The following KIZ variants were observed in gnomAD, a reference collection of about 807,000 sequenced individuals.
KIZ encodes the protein centrosomal protein kizuna.
A neutral mutation model predicts 79.6 loss-of-function variants in KIZ; 68 were observed. That is an observed-to-expected ratio of 0.85 (90% CI 0.70 to 1.05). The LOEUF (loss-of-function observed/expected upper bound fraction) is 1.05, where lower values mean the gene tolerates loss of function less well. KIZ is among the 50% of genes least tolerant of loss of function. The probability of loss-of-function intolerance (pLI) is 0.00; values close to 1 mark genes in which losing one functional copy is unlikely to be tolerated. For synonymous variants in KIZ, 280 were observed against 281.8 expected (o/e 0.99, Z 0.06); for missense variants, 797 against 800.4 (o/e 1.00, Z 0.05).
At chr20:21,127,305 A>G (rs974956817) in intron 1 of KIZ, among the ~76,000 whole-genome samples, 13 of 152,158 alleles carry the variant, frequency 8.5e-5, no homozygotes, top group African/African-American at 2.9e-4. Flanking sequence ...TTAAAAAGAA[A>G]TCTCTTCCTG....
chr20:21,146,496 T>C (rs945368124), intron 4 of KIZ, among the ~76,000 whole-genome samples: 5 of 152,204 alleles, frequency 3.3e-5, no homozygotes, highest in African/African-American at 4.8e-5. Context: ...AGAGTGTGTG[T>C]GCTACAGATT....
intron 4 of KIZ, among the ~76,000 whole-genome samples, chr20:21,155,423 A>G (rs1398864226): frequency 1.3e-5 from 2 of 150,590 alleles, no homozygotes; most frequent in Non-Finnish European, 3.0e-5. Context: ...ATCAAAAAAG[A>G]CAACATATTA....
intron 11 of KIZ, among the ~76,000 whole-genome samples, chr20:21,237,201 C>T (rs1343410058): frequency 6.8e-6 from 1 of 146,992 alleles, no homozygotes; most frequent in Non-Finnish European, 1.5e-5. Context: ...ACTCGGGAGG[C>T]TGAGGCAGGA....
At chr20:21,183,069 A>G (rs2034726713) in intron 6 of KIZ, among the ~76,000 whole-genome samples, 1 of 152,186 alleles carries the variant, frequency 6.6e-6, no homozygotes, top group African/African-American at 2.4e-5. Flanking sequence ...GGAGATGGAC[A>G]CTGAGTAGGC....
At chr20:21,126,986 TAAACA>T (rs953138513) in intron 1 of KIZ, among the ~76,000 whole-genome samples, 5 of 152,216 alleles carry the variant, frequency 3.3e-5, no homozygotes, top group African/African-American at 4.8e-5. Flanking sequence ...GATCTCTTGA[TAAACA>T]AAACATTTAA....
At chr20:21,167,701 A>G (rs964884217) in intron 6 of KIZ, among the ~76,000 whole-genome samples, 3 of 151,310 alleles carry the variant, frequency 2.0e-5, no homozygotes, top group African/African-American at 7.3e-5. Context: ...AGCTGGGATT[A>G]CAGGCATGTG....
chr20:21,128,123 C>CT (rs2031603678), intron 1 of KIZ, among the ~76,000 whole-genome samples: 1 of 152,202 alleles, frequency 6.6e-6, no homozygotes, highest in Non-Finnish European at 1.5e-5. Flanking sequence ...AGCGATTGTC[C>CT]TGCCTCAGCC....
intron 4 of KIZ, among the ~76,000 whole-genome samples, chr20:21,160,512 G>T (rs2033605404): frequency 6.6e-6 from 1 of 152,126 alleles, no homozygotes. Flanking sequence ...TGATGTTTGT[G>T]TGTGTGGCCT....
intron 6 of KIZ, among the ~76,000 whole-genome samples, chr20:21,172,401 G>A (rs973309169): frequency 6.6e-6 from 1 of 152,078 alleles, no homozygotes; most frequent in East Asian, 1.9e-4. Context: ...TTAGGAGTTC[G>A]AGACCAGCCT....
Position 21,246,617 on chromosome 20 carries a change from C to A in KIZ, c.*41C>A, listed in dbSNP as rs754788899. ...GTTTCAAATAAAGTCTTTAAACAAA[C>A]TAAAATCCTGTGTTAATATGTGATG... On this transcript the variant is annotated 3_prime_UTR_variant, in exon 13 of 13. Coordinates refer to ENST00000619189, the MANE Select transcript of KIZ (RefSeq NM_018474.6). 5 of 1,166,294 alleles carry A rather than the reference C, an allele frequency of 4.3e-6. No individual in the cohort carries two copies. The highest frequency in any genetic ancestry group is 6.3e-6 in the Non-Finnish European group (5 of 791,214). 72.2% of individuals were successfully genotyped at this position (1,166,294 alleles called of 1,614,324 possible).
chr20:21,202,120 G>T (rs1477601123), intron 6 of KIZ, among the ~76,000 whole-genome samples: 1 of 152,198 alleles, frequency 6.6e-6, no homozygotes, highest in Non-Finnish European at 1.5e-5. Flanking sequence ...AAGGATAGAT[G>T]CAATTGGGTG....
At chr20:21,163,621 T>G (rs1001949574) in intron 6 of KIZ, among the ~76,000 whole-genome samples, 4 of 152,250 alleles carry the variant, frequency 2.6e-5, no homozygotes, top group Non-Finnish European at 5.9e-5. Context: ...ATATTATCAT[T>G]TTTGTCATCT....
chr20:21,160,384 G>C (rs540112231), intron 4 of KIZ, among the ~76,000 whole-genome samples: 1 of 152,092 alleles, frequency 6.6e-6, no homozygotes, highest in Non-Finnish European at 1.5e-5. Context: ...TGGGAAACCT[G>C]TTTGGATAAC....
At chr20:21,159,875 T>A (rs1350765292) in intron 4 of KIZ, among the ~76,000 whole-genome samples, 2 of 152,220 alleles carry the variant, frequency 1.3e-5, no homozygotes, top group Non-Finnish European at 2.9e-5. Context: ...TACTTCTGCC[T>A]AGATATGGAA....
intron 3 of KIZ, chr20:21,139,048 C>T (rs564325915): frequency 5.5e-5 from 8 of 144,320 alleles, no homozygotes; most frequent in Non-Finnish European, 9.0e-5. Context: ...TGAGAGCAAG[C>T]GTGTTCAGGG....
Position 21,163,133 on chromosome 20 carries a change from A to G in KIZ, c.1326A>G (p.Glu442=), listed in dbSNP as rs772816948. The G allele has an allele frequency of 1.8e-5, 29 of 1,612,392 alleles. No homozygotes were observed. The East Asian group carries it at 6.2e-4, about 35-fold the overall frequency. ...TAAGCTCTCCTGATTCAGAAAAGGAATCCTCCACTAACGCACCAACAAGAG... is the reference window on the plus strand; with the variant it reads ...TAAGCTCTCCTGATTCAGAAAAGGAGTCCTCCACTAACGCACCAACAAGAG... ...QTLSSPDSEK[E]SSTNAPTREP... is the part of the protein sequence containing the mutation. The change falls in exon 6 of 13, where the codon GAA becomes GAG. Residue 442 remains glutamate, a synonymous_variant. Transcript: ENST00000619189.
At chr20:21,145,769 T>C in intron 4 of KIZ, 115 bp downstream of exon 4, 1 of 457,542 alleles carries the variant, frequency 2.2e-6, no homozygotes, top group East Asian at 3.6e-5. Context: ...TGATTAAACC[T>C]TACGTGATTA....
intron 2 of KIZ, 78 bp from the exon 3 acceptor site, chr20:21,136,312 A>G (rs1389188304): frequency 3.1e-5 from 27 of 866,674 alleles, no homozygotes; most frequent in Non-Finnish European, 4.4e-5. Context: ...CTCATTAACA[A>G]TTTTGATGAA....
intron 11 of KIZ, among the ~76,000 whole-genome samples, chr20:21,236,358 CAT>C (rs2123471813): frequency 6.6e-6 from 1 of 152,140 alleles, no homozygotes; most frequent in East Asian, 1.9e-4. Context: ...TTTTCAGAAA[CAT>C]ATGTCTGTTT....
Sources: allele counts gnomAD v4.1 joint callset (sites outside exome capture counted in the v4.1 genomes callset), GRCh38; gene constraint gnomAD v4.1.1; transcripts MANE v1.5; gene names NCBI Gene and HGNC (gene_info 2026-07-23, HGNC 2026-07-21).